Variants in TMCC1 observed in about 807,000 individuals in gnomAD.
TMCC1 encodes transmembrane and coiled-coil domains protein 1.
Under a neutral mutation model 52.4 loss-of-function variants are expected in TMCC1, and 15 were observed. That is an observed-to-expected ratio of 0.29 (90% CI 0.19 to 0.44). TMCC1 has a LOEUF of 0.44. Among genes scored for constraint, TMCC1 ranks in the 20% least tolerant of loss-of-function variants. The pLI, the probability that TMCC1 is intolerant of heterozygous loss-of-function variation, is 1.00. For synonymous variants in TMCC1, 279 were observed against 301.9 expected (o/e 0.92, Z 0.79); for missense variants, 503 against 806.0 (o/e 0.62, Z 4.55).
At chr3:129,803,957 T>C (rs186844348) in intron 4 of TMCC1, among the ~76,000 whole-genome samples, 3 of 152,310 alleles carry the variant, frequency 2.0e-5, no homozygotes, top group Admixed American at 6.5e-5. Flanking sequence ...ATTATATGTC[T>C]AAGGTTTTGT....
At chr3:129,818,685 T>C (rs2058254813) in intron 4 of TMCC1, among the ~76,000 whole-genome samples, 1 of 151,726 alleles carries the variant, frequency 6.6e-6, no homozygotes, top group Non-Finnish European at 1.5e-5. Context: ...TAAAGAAAAC[T>C]TTTTGCAAAA....
intron 1 of TMCC1, among the ~76,000 whole-genome samples, chr3:129,888,177 G>A (rs1479911471): frequency 6.6e-6 from 1 of 152,202 alleles, no homozygotes; most frequent in Admixed American, 6.5e-5. Context: ...ATGGTGGGAG[G>A]CAGGTTTTTC....
chr3:129,657,429 CAG>C (rs2108852236), intron 5 of TMCC1, among the ~76,000 whole-genome samples: 1 of 152,294 alleles, frequency 6.6e-6, no homozygotes, highest in East Asian at 1.9e-4. Flanking sequence ...GATGAGGAAA[CAG>C]AAGCTCAGAG....
intron 4 of TMCC1, among the ~76,000 whole-genome samples, chr3:129,797,587 C>A (rs553451250): frequency 6.6e-5 from 10 of 151,894 alleles, no homozygotes; most frequent in African/African-American, 2.4e-4. Context: ...ACAAAAAACA[C>A]ACAAAAAATT....
intron 2 of TMCC1, among the ~76,000 whole-genome samples, chr3:129,856,604 T>G (rs777438166): frequency 1.4e-4 from 22 of 152,220 alleles, no homozygotes; most frequent in Non-Finnish European, 2.5e-4. Context: ...CTAAGAAAGT[T>G]AAGAATTGGT....
intron 4 of TMCC1, among the ~76,000 whole-genome samples, chr3:129,744,310 C>T (rs2051730107): frequency 6.6e-6 from 1 of 151,996 alleles, no homozygotes; most frequent in South Asian, 2.1e-4. Context: ...TTTCTTTTTC[C>T]TTTTCTAGTT....
At chr3:129,713,158 A>T (rs1184504830) in intron 4 of TMCC1, among the ~76,000 whole-genome samples, 1 of 152,180 alleles carries the variant, frequency 6.6e-6, no homozygotes, top group African/African-American at 2.4e-5. Flanking sequence ...GCTCCTCAGG[A>T]GGCCAAGGTG....
intron 1 of TMCC1, among the ~76,000 whole-genome samples, chr3:129,884,220 C>CA (rs1373513826): frequency 6.6e-6 from 1 of 151,488 alleles, no homozygotes; most frequent in South Asian, 2.1e-4. Context: ...CAAAGAGCAC[C>CA]AAAAAAAGGT....
intron 3 of TMCC1, among the ~76,000 whole-genome samples, chr3:129,832,465 T>C (rs928600090): frequency 6.6e-6 from 1 of 152,198 alleles, no homozygotes; most frequent in Admixed American, 6.5e-5. Flanking sequence ...CTCAGAATTT[T>C]CAACAATTAA....
At position 129,727,466 on chromosome 3, in the gene TMCC1, T is replaced by C. The variant is rs567503096; in HGVS notation, c.577-56202A>G. Among the ~76,000 whole-genome samples the C allele has an allele frequency of 2.6e-5, 4 of 152,292 alleles. No homozygotes were observed. In the South Asian group the frequency reaches 8.3e-4, roughly 32 times the overall value. ...TGGGCTTCATTTTTATAAATATGAA[T>C]TTTAAATCTTTATAAAGATGTAAGT... On this transcript the variant is annotated intron_variant, in intron 4 of 6. Transcript: ENST00000393238.
intron 2 of TMCC1, among the ~76,000 whole-genome samples, chr3:129,873,922 G>C (rs1419170405): frequency 6.6e-6 from 1 of 152,018 alleles, no homozygotes; most frequent in East Asian, 1.9e-4. Context: ...TTTCAAATTT[G>C]GGATGCTCAA....
At chr3:129,748,818 C>T (rs984791610) in intron 4 of TMCC1, among the ~76,000 whole-genome samples, 3 of 151,976 alleles carry the variant, frequency 2.0e-5, no homozygotes, top group African/African-American at 4.8e-5. Flanking sequence ...GCCTGGCCAA[C>T]GTGGCAAAAC....
intron 4 of TMCC1, among the ~76,000 whole-genome samples, chr3:129,804,079 T>C (rs768433830): frequency 1.3e-5 from 2 of 152,098 alleles, no homozygotes; most frequent in African/African-American, 2.4e-5. Flanking sequence ...CAAAAACATC[T>C]GTAGCAGTGA....
At chr3:129,712,523 T>C (rs760307052) in intron 4 of TMCC1, among the ~76,000 whole-genome samples, 24 of 152,170 alleles carry the variant, frequency 1.6e-4, no homozygotes, top group Non-Finnish European at 1.8e-4. Flanking sequence ...TCACCACTCA[T>C]TGCAGCTTCG....
intron 5 of TMCC1, among the ~76,000 whole-genome samples, 153 bp from the exon 6 acceptor site, chr3:129,655,256 GCT>G (rs2086596340): frequency 6.6e-6 from 1 of 152,184 alleles, no homozygotes; most frequent in South Asian, 2.1e-4. Context: ...AGTGGGTATA[GCT>G]CTTAGTCTCT....
chr3:129,879,157 C>T (rs959397581), intron 2 of TMCC1, among the ~76,000 whole-genome samples: 2 of 152,086 alleles, frequency 1.3e-5, no homozygotes, highest in Non-Finnish European at 2.9e-5. Context: ...TTATTTATTT[C>T]AGGCCAGGGA....
intron 4 of TMCC1, among the ~76,000 whole-genome samples, chr3:129,738,446 G>C (rs1029283613): frequency 6.6e-6 from 1 of 152,138 alleles, no homozygotes; most frequent in Non-Finnish European, 1.5e-5. Context: ...TTCTGTTGCA[G>C]TACCAGTTAC....
intron 4 of TMCC1, among the ~76,000 whole-genome samples, chr3:129,697,202 T>A (rs1391917688): frequency 6.6e-6 from 1 of 152,214 alleles, no homozygotes; most frequent in East Asian, 1.9e-4. Context: ...TCCAGGCGTT[T>A]CCATACATCC....
At chr3:129,663,028 T>C (rs2108866932) in intron 5 of TMCC1, among the ~76,000 whole-genome samples, 1 of 152,318 alleles carries the variant, frequency 6.6e-6, no homozygotes, top group Admixed American at 6.5e-5. Flanking sequence ...CAAGATTTTG[T>C]CGTAGGTAAA....
Sources: gnomAD v4.1 joint callset for allele counts (sites outside exome capture counted in the v4.1 genomes callset) on GRCh38, gnomAD v4.1.1 for gene constraint, MANE v1.5 for transcripts, NCBI Gene and HGNC (gene_info 2026-07-23, HGNC 2026-07-21) for gene names.